Variants in ATP8A2 observed in about 807,000 individuals in gnomAD.
ATP8A2 encodes the protein phospholipid-transporting ATPase IB.
ATP8A2 carries 100 observed loss-of-function variants against 165.6 expected under a neutral mutation model. The observed-to-expected ratio is 0.60, with a 90% confidence interval of 0.51 to 0.71. ATP8A2 has a LOEUF of 0.71. ATP8A2 is among the 30% of genes least tolerant of loss of function. The pLI, the probability that ATP8A2 is intolerant of heterozygous loss-of-function variation, is 0.00. For missense variants in ATP8A2, 1,227 were observed against 1,479.5 expected (o/e 0.83, Z 2.80); for synonymous variants, 543 against 548.8 (o/e 0.99, Z 0.15).
intron 33 of ATP8A2, among the ~76,000 whole-genome samples, chr13:25,905,980 T>C (rs995204727): frequency 5.3e-5 from 8 of 152,214 alleles, no homozygotes; most frequent in African/African-American, 1.9e-4. Context: ...ACCTCTTTCT[T>C]GAAATATTAC....
At chr13:25,661,893 A>C (rs535896785) in intron 24 of ATP8A2, among the ~76,000 whole-genome samples, 29 of 152,356 alleles carry the variant, frequency 1.9e-4, no homozygotes, top group African/African-American at 7.0e-4. Flanking sequence ...TGATTTATAC[A>C]CATGAAATCA....
At chr13:25,408,100 TA>T (rs57083418) in intron 1 of ATP8A2, among the ~76,000 whole-genome samples, 13 of 150,610 alleles carry the variant, frequency 8.6e-5, no homozygotes, top group Admixed American at 2.6e-4. Context: ...TATTTGACAT[TA>T]AAAAAAAATG....
chr13:25,567,608 A>G (rs989590528), intron 16 of ATP8A2, among the ~76,000 whole-genome samples: 1 of 152,166 alleles, frequency 6.6e-6, no homozygotes, highest in African/African-American at 2.4e-5. Flanking sequence ...GTTTCAGTAC[A>G]AGCATAATGA....
At chr13:25,995,332 A>G (rs1956474701) in intron 35 of ATP8A2, among the ~76,000 whole-genome samples, 1 of 150,182 alleles carries the variant, frequency 6.7e-6, no homozygotes, top group African/African-American at 2.4e-5. Flanking sequence ...TTTTATTCTT[A>G]ATGATTTCCT....
At chr13:25,476,133 G>A (rs2035987822) in intron 2 of ATP8A2, among the ~76,000 whole-genome samples, 1 of 152,146 alleles carries the variant, frequency 6.6e-6, no homozygotes, top group South Asian at 2.1e-4. Flanking sequence ...GATTATATAT[G>A]TGGTACTAGA....
At chr13:25,888,078 C>G (rs905377227) in intron 33 of ATP8A2, among the ~76,000 whole-genome samples, 1 of 134,058 alleles carries the variant, frequency 7.5e-6, no homozygotes, top group African/African-American at 2.7e-5. Flanking sequence ...ACCCCCCCCC[C>G]GCCCCACCCC....
At chr13:25,784,084 G>A (rs2044958924) in intron 27 of ATP8A2, among the ~76,000 whole-genome samples, 1 of 152,146 alleles carries the variant, frequency 6.6e-6, no homozygotes, top group South Asian at 2.1e-4. Context: ...CTTTCCATGT[G>A]ACAATCTATG....
At chr13:25,470,782 A>C (rs986208500) in intron 2 of ATP8A2, among the ~76,000 whole-genome samples, 2 of 152,248 alleles carry the variant, frequency 1.3e-5, no homozygotes, top group Admixed American at 6.5e-5. Context: ...TTGGGCCATA[A>C]AAAGGAATGA....
chr13:25,818,107 CA>C (rs1951075893), intron 27 of ATP8A2, among the ~76,000 whole-genome samples: 1 of 152,110 alleles, frequency 6.6e-6, no homozygotes, highest in South Asian at 2.1e-4. Context: ...CAGTCTCAAC[CA>C]TATTAGCAAA....
At chr13:25,390,547 T>TAAC (rs2137967086) in intron 1 of ATP8A2, among the ~76,000 whole-genome samples, 1 of 152,326 alleles carries the variant, frequency 6.6e-6, no homozygotes, top group South Asian at 2.1e-4. Context: ...TCTGACTCTG[T>TAAC]AGTTTTGTCT....
intron 2 of ATP8A2, among the ~76,000 whole-genome samples, chr13:25,507,628 C>T (rs574450276): frequency 6.6e-6 from 1 of 152,178 alleles, no homozygotes; most frequent in East Asian, 1.9e-4. Flanking sequence ...TGAACTCTAT[C>T]CTTTATCATA....
intron 30 of ATP8A2, among the ~76,000 whole-genome samples, chr13:25,841,956 A>T (rs939982539): frequency 6.6e-6 from 1 of 152,092 alleles, no homozygotes; most frequent in East Asian, 1.9e-4. Flanking sequence ...CAACAGCATT[A>T]ATTTATTCAT....
chr13:25,692,977 T>C (rs991406698), intron 24 of ATP8A2, among the ~76,000 whole-genome samples: 7 of 152,238 alleles, frequency 4.6e-5, no homozygotes, highest in Admixed American at 1.3e-4. Flanking sequence ...AAAATACTAA[T>C]TAAAGATTTT....
At chr13:25,547,424 G>A (rs1211911524) in intron 10 of ATP8A2, among the ~76,000 whole-genome samples, 1 of 152,092 alleles carries the variant, frequency 6.6e-6, no homozygotes, top group Non-Finnish European at 1.5e-5. Flanking sequence ...GAACTCTGTT[G>A]TGAACTGCGC....
intron 30 of ATP8A2, among the ~76,000 whole-genome samples, chr13:25,849,760 G>T (rs9511937): frequency 1.3e-5 from 2 of 152,090 alleles, no homozygotes; most frequent in East Asian, 3.8e-4. Flanking sequence ...ACTGATAGGA[G>T]TCTGGAAGAA....
At position 25,953,545 on chromosome 13, in the gene ATP8A2, A is replaced by AAAAAC. The variant is rs1566299785; in HGVS notation, c.3184-8029_3184-8028insAAACA. 1.6e-5 allele frequency among the ~76,000 whole-genome samples: 2 copies of AAAAAC among 122,766 alleles called. No homozygotes were observed. Among genetic ancestry groups the AAAAAC allele is most frequent in the African/African-American group, 7.2e-5 (2 of 27,712 alleles). 80.5% of individuals were successfully genotyped at this position (122,766 alleles called of 152,430 possible). On this transcript the variant is annotated intron_variant, in intron 33 of 36. Transcript: ENST00000381655. This position sits in a 1 kb window ranked among gnomAD's most constrained non-coding sequence, Gnocchi z 6.7. The stretch of plus-strand genomic sequence containing the variant: ...TTTAAAAAAAAAAAAAAAAAAAAAA[A>AAAAAC]AGCAAGGGAAATAGGCAAGACGGCC...
intron 23 of ATP8A2, among the ~76,000 whole-genome samples, chr13:25,584,267 C>G (rs1397256233): frequency 1.3e-5 from 2 of 152,132 alleles, no homozygotes; most frequent in Non-Finnish European, 2.9e-5. Flanking sequence ...TTAGACTTTT[C>G]AGTGTGGGAC....
In ATP8A2 at chr13:25,828,181, C is replaced by T. The variant is rs1434721699; in HGVS notation, c.2743C>T (p.Leu915=). ...QILFERWCIG[L]YNVIFTALPP... is the part of the protein sequence containing the mutation. ...TTTATTTGAACGTTGGTGCATCGGCCTGTACAATGTGGTAAGCATTCTTCA... is the reference window on the plus strand; with the variant it reads ...TTTATTTGAACGTTGGTGCATCGGCTTGTACAATGTGGTAAGCATTCTTCA... The change falls in exon 28 of 37, where the codon CTG becomes TTG. Residue 915 remains leucine, a synonymous_variant. Coordinates refer to ENST00000381655, the MANE Select transcript of ATP8A2 (RefSeq NM_016529.6). The T allele has an allele frequency of 1.2e-6, 2 of 1,613,738 alleles. No homozygotes were observed. The highest frequency in any genetic ancestry group is 8.5e-7 in the Non-Finnish European group (1 of 1,179,640).
intron 16 of ATP8A2, among the ~76,000 whole-genome samples, chr13:25,567,861 T>C (rs150908299): frequency 0.012 from 1,875 of 152,256 alleles, 22 homozygotes; most frequent in Admixed American, 0.043. Context: ...AATGTACCCA[T>C]TGGAGGTTTT....
Sources: allele counts gnomAD v4.1 joint callset (sites outside exome capture counted in the v4.1 genomes callset), GRCh38; gene constraint gnomAD v4.1.1; non-coding constraint Gnocchi (gnomAD v3.1); transcripts MANE v1.5; gene names NCBI Gene and HGNC (gene_info 2026-07-23, HGNC 2026-07-21).